The following LRRC8D variants were observed in gnomAD, a reference collection of about 807,000 sequenced individuals.
LRRC8D encodes volume-regulated anion channel subunit LRRC8D.
In LRRC8D, 20 loss-of-function variants were observed where a neutral mutation model predicts 55.8. The ratio of observed to expected loss-of-function variants is 0.36; its 90% CI spans 0.25 to 0.52. The LOEUF (loss-of-function observed/expected upper bound fraction) is 0.52, where lower values mean the gene tolerates loss of function less well. Among genes scored for constraint, LRRC8D ranks in the 20% least tolerant of loss-of-function variants. The pLI, the probability that LRRC8D is intolerant of heterozygous loss-of-function variation, is 0.93. For missense variants in LRRC8D, 651 were observed against 1,030.8 expected, an observed-to-expected ratio of 0.63 and a Z score of 5.05; for synonymous variants, 352 against 377.0, an observed-to-expected ratio of 0.93 and a Z score of 0.77.
intron 2 of LRRC8D, among the ~76,000 whole-genome samples, chr1:89,922,150 G>A (rs910189304): frequency 6.6e-6 from 1 of 151,880 alleles, no homozygotes; most frequent in Non-Finnish European, 1.5e-5. Flanking sequence ...TGAAACCTCC[G>A]CCTCTCAGGT....
intron 2 of LRRC8D, among the ~76,000 whole-genome samples, chr1:89,915,296 A>G (rs1663238358): frequency 6.6e-6 from 1 of 152,192 alleles, no homozygotes; most frequent in Non-Finnish European, 1.5e-5. Context: ...GTCTCTATCT[A>G]AAGATATTGT....
intron 2 of LRRC8D, among the ~76,000 whole-genome samples, chr1:89,886,932 G>A (rs1291638432): frequency 6.6e-6 from 1 of 151,976 alleles, no homozygotes; most frequent in African/African-American, 2.4e-5. Flanking sequence ...TTTTTAAAAT[G>A]GGGCATTTTA....
At chr1:89,866,620 T>G (rs1234962865) in intron 2 of LRRC8D, among the ~76,000 whole-genome samples, 1 of 152,224 alleles carries the variant, frequency 6.6e-6, no homozygotes, top group East Asian at 1.9e-4. Context: ...TCTACTTTTC[T>G]TTAGCCTTTG....
intron 2 of LRRC8D, 111 bp downstream of exon 2, chr1:89,843,893 GC>G (rs1661204662): frequency 7.8e-6 from 4 of 513,434 alleles, no homozygotes; most frequent in Non-Finnish European, 1.4e-5. Context: ...TCACTTGCCC[GC>G]CCCCCACCAC....
chr1:89,837,035 G>A (rs1415051682), intron 1 of LRRC8D, among the ~76,000 whole-genome samples: 1 of 152,078 alleles, frequency 6.6e-6, no homozygotes, highest in African/African-American at 2.4e-5. Context: ...ATAAGTTTTG[G>A]TTGATTTAGG....
rs148157988 is a variant in LRRC8D at position 89,838,738 on chromosome 1, A to C, written c.-147-4900A>C. The stretch of plus-strand genomic sequence containing the variant: ...GCATTTTTTTGCATACTAATTGAAG[A>C]ATGAGAGAGGAAGCTTGGAAAAAAT... On this transcript the variant is annotated intron_variant, in intron 1 of 2. Transcript: ENST00000337338. Among the ~76,000 whole-genome samples, 724 of 152,308 alleles carry C rather than the reference A, an allele frequency of 4.8e-3. 7 individuals are homozygous for C. Among genetic ancestry groups the C allele is most frequent in the South Asian group, 8.3e-3 (40 of 4,830 alleles).
In LRRC8D at chr1:89,920,956, G is replaced by A. The variant is rs186258097; in HGVS notation, c.-2-12111G>A. On this transcript the variant is annotated intron_variant, in intron 2 of 2. Coordinates refer to ENST00000337338, the MANE Select transcript of LRRC8D (RefSeq NM_001134479.2). ...TGAAAGATTTGAGAATTTGATCCTC[G>A]TAAGTCTCTTGCATGTTCTCCATTT... Among the ~76,000 whole-genome samples the A allele has an allele frequency of 4.6e-3, 705 of 152,228 alleles. 6 individuals are homozygous for A. The highest frequency in any genetic ancestry group is 5.4e-3 in the South Asian group (26 of 4,820).
intron 2 of LRRC8D, among the ~76,000 whole-genome samples, chr1:89,902,839 T>C (rs2100916604): frequency 6.6e-6 from 1 of 152,352 alleles, no homozygotes; most frequent in Admixed American, 6.5e-5. Flanking sequence ...AAGGATGTTT[T>C]CTAATGGGTT....
intron 2 of LRRC8D, among the ~76,000 whole-genome samples, chr1:89,904,626 A>C (rs1436301752): frequency 6.6e-6 from 1 of 152,176 alleles, no homozygotes; most frequent in African/African-American, 2.4e-5. Context: ...CCTGCACTGC[A>C]CAGGTATTAG....
chr1:89,862,881 A>G (rs770862599), intron 2 of LRRC8D, among the ~76,000 whole-genome samples: 5 of 152,248 alleles, frequency 3.3e-5, no homozygotes, highest in African/African-American at 7.2e-5. Context: ...TCCAGCAGGA[A>G]GGGTGTTTTC....
At chr1:89,907,522 A>T (rs1663028522) in intron 2 of LRRC8D, among the ~76,000 whole-genome samples, 1 of 152,062 alleles carries the variant, frequency 6.6e-6, no homozygotes, top group South Asian at 2.1e-4. Flanking sequence ...ATTGCCTATG[A>T]GCAGATGAGG....
chr1:89,922,597 G>A (rs1194144339), intron 2 of LRRC8D, among the ~76,000 whole-genome samples: 1 of 152,078 alleles, frequency 6.6e-6, no homozygotes, highest in Non-Finnish European at 1.5e-5. Flanking sequence ...GGCTTACTTT[G>A]TGCCAGACCC....
At chr1:89,858,630 T>C (rs894058870) in intron 2 of LRRC8D, among the ~76,000 whole-genome samples, 9 of 151,820 alleles carry the variant, frequency 5.9e-5, no homozygotes, top group African/African-American at 1.9e-4. Context: ...TTTGTAAGTA[T>C]AATTTTAGTA....
chr1:89,853,255 A>G (rs1180614537), intron 2 of LRRC8D, among the ~76,000 whole-genome samples: 1 of 152,214 alleles, frequency 6.6e-6, no homozygotes, highest in Non-Finnish European at 1.5e-5. Context: ...TGAAGGTGTC[A>G]TTAGTAAGGA....
chr1:89,858,269 T>A (rs991884928), intron 2 of LRRC8D, among the ~76,000 whole-genome samples: 23 of 152,288 alleles, frequency 1.5e-4, no homozygotes, highest in Admixed American at 6.5e-4. Context: ...TTTGTAATAC[T>A]TTTTTTGTTT....
chr1:89,861,714 C>T (rs191684154), intron 2 of LRRC8D, among the ~76,000 whole-genome samples: 5 of 152,340 alleles, frequency 3.3e-5, no homozygotes, highest in African/African-American at 9.6e-5. Context: ...TGTACTATAA[C>T]AAGTTCTGCT....
At chr1:89,888,306 T>C (rs912633443) in intron 2 of LRRC8D, among the ~76,000 whole-genome samples, 5 of 152,180 alleles carry the variant, frequency 3.3e-5, no homozygotes, top group East Asian at 1.9e-4. Context: ...TACACTGGAA[T>C]TGAATAATAA....
intron 2 of LRRC8D, among the ~76,000 whole-genome samples, chr1:89,878,967 C>CAAA (rs5776028): frequency 1.4e-4 from 13 of 90,830 alleles, no homozygotes; most frequent in Non-Finnish European, 2.0e-4. Context: ...AAATCCGTCT[C>CAAA]AAAAAAAAAA....
At chr1:89,910,031 G>A (rs1331445692) in intron 2 of LRRC8D, among the ~76,000 whole-genome samples, 1 of 151,986 alleles carries the variant, frequency 6.6e-6, no homozygotes, top group African/African-American at 2.4e-5. Context: ...TTGTACTTAC[G>A]AACCAGTAGG....
Sources: allele counts gnomAD v4.1 joint callset (sites outside exome capture counted in the v4.1 genomes callset), GRCh38; gene constraint gnomAD v4.1.1; transcripts MANE v1.5; gene names NCBI Gene and HGNC (gene_info 2026-07-23, HGNC 2026-07-21).